Variants in DGKB observed in about 807,000 individuals in gnomAD.
DGKB encodes 90 kDa diacylglycerol kinase.
Under a neutral mutation model 114.3 loss-of-function variants are expected in DGKB, and 67 were observed. That is an observed-to-expected ratio of 0.59 (90% CI 0.48 to 0.72). The LOEUF (loss-of-function observed/expected upper bound fraction) is 0.72, where lower values mean the gene tolerates loss of function less well. Among genes scored for constraint, DGKB ranks in the 30% least tolerant of loss-of-function variants. The probability of loss-of-function intolerance (pLI) is 0.00; values close to 1 mark genes in which losing one functional copy is unlikely to be tolerated. For missense variants in DGKB, 907 were observed against 975.2 expected (o/e 0.93, Z 0.93); for synonymous variants, 398 against 323.1 (o/e 1.23, Z -2.49).
intron 2 of DGKB, among the ~76,000 whole-genome samples, chr7:14,825,028 A>C (rs1328363340): frequency 7.3e-6 from 1 of 136,878 alleles, no homozygotes; most frequent in Non-Finnish European, 1.6e-5. Flanking sequence ...ATATATATAT[A>C]TATATATATA....
chr7:14,574,108 GTAAAA>G (rs1426179406), intron 20 of DGKB, 99 bp downstream of exon 20: 2 of 887,916 alleles, frequency 2.3e-6, no homozygotes, highest in Non-Finnish European at 3.3e-6. Flanking sequence ...GGCACAAAAG[GTAAAA>G]TAAGTTATTT....
intron 13 of DGKB, among the ~76,000 whole-genome samples, chr7:14,663,957 C>G (rs1047016099): frequency 6.6e-6 from 1 of 151,868 alleles, no homozygotes; most frequent in Admixed American, 6.6e-5. Flanking sequence ...TCAAAATTAC[C>G]ATTTGTCCAG....
chr7:14,694,968 A>G (rs1823558290), intron 8 of DGKB, among the ~76,000 whole-genome samples: 2 of 152,222 alleles, frequency 1.3e-5, no homozygotes, highest in Non-Finnish European at 2.9e-5. Context: ...AATGGCGTCA[A>G]GATGGCAAAC....
In DGKB at chr7:14,212,418, G is replaced by GTGTTTTGTGATTTTACTCTCA. The variant is rs1584487949; in HGVS notation, c.2123-34268_2123-34267insTGAGAGTAAAATCACAAAACA. 2.4e-4 allele frequency among the ~76,000 whole-genome samples: 4 copies of GTGTTTTGTGATTTTACTCTCA among 16,844 alleles called. 1 individual carries two copies. Among genetic ancestry groups the GTGTTTTGTGATTTTACTCTCA allele is most frequent in the Non-Finnish European group, 4.0e-4 (3 of 7,520 alleles). 11.1% of individuals were successfully genotyped at this position (16,844 alleles called of 152,430 possible). A position where few individuals can be genotyped will look rare whatever the true frequency, so the allele number is the denominator to read the frequency against. The stretch of plus-strand genomic sequence containing the variant: ...TCTCATGTTTTGTGATTTTACTCTC[G>GTGTTTTGTGATTTTACTCTCA]TGTTTTGTGATATTTACTCTCATGT... On this transcript the variant is annotated intron_variant, in intron 23 of 25. Transcript: ENST00000402815.
intron 8 of DGKB, 140 bp from the exon 9 acceptor site, chr7:14,694,334 A>T: frequency 1.4e-6 from 1 of 734,172 alleles, no homozygotes; most frequent in Non-Finnish European, 2.2e-6. Flanking sequence ...CATTAATTCT[A>T]TTACTGATGA....
intron 12 of DGKB, among the ~76,000 whole-genome samples, chr7:14,678,470 C>T (rs1435903243): frequency 6.6e-6 from 1 of 151,934 alleles, no homozygotes; most frequent in East Asian, 1.9e-4. Flanking sequence ...AAATAGTAGG[C>T]ATGAGGGAAA....
At chr7:14,522,254 A>C (rs1789905176) in intron 20 of DGKB, among the ~76,000 whole-genome samples, 1 of 152,142 alleles carries the variant, frequency 6.6e-6, no homozygotes, top group Non-Finnish European at 1.5e-5. Context: ...TCTTTGTCGC[A>C]CATGCATAGA....
At chr7:14,782,035 T>TGAAA (rs1839179175) in intron 2 of DGKB, among the ~76,000 whole-genome samples, 1 of 152,186 alleles carries the variant, frequency 6.6e-6, no homozygotes, top group Non-Finnish European at 1.5e-5. Context: ...AATTATTTTA[T>TGAAA]TTCATTTGAG....
intron 23 of DGKB, among the ~76,000 whole-genome samples, chr7:14,325,965 A>T (rs1808634600): frequency 1.3e-5 from 2 of 152,124 alleles, no homozygotes; most frequent in African/African-American, 4.8e-5. Context: ...AAATGTATTG[A>T]GCTGTAAAAA....
In DGKB at chr7:14,898,212, A is replaced by G. The variant is rs76838550; in HGVS notation, c.-188+4380T>C. 4.0e-3 allele frequency among the ~76,000 whole-genome samples: 604 copies of G among 152,160 alleles called. 4 individuals carry two copies. Among genetic ancestry groups the G allele is most frequent in the African/African-American group, 0.014 (569 of 41,550 alleles). On this transcript the variant is annotated intron_variant, in intron 1 of 25. Transcript: ENST00000402815. ...CATTAGCATGGAGAGCGGGCAGAGG[A>G]GTTTGGGTGTCCAAAAGTAAATTAC...
chr7:14,777,436 T>G (rs1041920834), intron 2 of DGKB, among the ~76,000 whole-genome samples: 1 of 152,124 alleles, frequency 6.6e-6, no homozygotes, highest in African/African-American at 2.4e-5. Flanking sequence ...AATCCCCACA[T>G]GTCATGGGAG....
chr7:14,840,741 CA>C (rs755609912), intron 2 of DGKB, among the ~76,000 whole-genome samples: 6,587 of 131,560 alleles, frequency 0.05, 223 homozygotes, highest in Non-Finnish European at 0.076. Context: ...CACACACACA[CA>C]CACCTCTCCC....
chr7:14,840,929 A>G (rs887478871), intron 2 of DGKB, among the ~76,000 whole-genome samples: 34 of 151,952 alleles, frequency 2.2e-4, no homozygotes, highest in African/African-American at 7.7e-4. Flanking sequence ...CTTTATTTCT[A>G]TTACAGCTAG....
intron 25 of DGKB, among the ~76,000 whole-genome samples, chr7:14,167,611 A>G (rs1448162950): frequency 6.6e-6 from 1 of 152,228 alleles, no homozygotes. Flanking sequence ...TTTGACCTTA[A>G]CAAACATACT....
At chr7:14,698,734 A>T (rs557611662) in intron 7 of DGKB, among the ~76,000 whole-genome samples, 3 of 152,280 alleles carry the variant, frequency 2.0e-5, no homozygotes, top group Admixed American at 2.0e-4. Context: ...TTTCCATATT[A>T]TTCTGCTCAA....
intron 16 of DGKB, among the ~76,000 whole-genome samples, chr7:14,612,926 T>C (rs1244867160): frequency 2.0e-5 from 3 of 152,154 alleles, no homozygotes; most frequent in Admixed American, 6.6e-5. Flanking sequence ...TTCTCCAAAA[T>C]GCACATGCAG....
At chr7:14,836,469 A>G (rs1022184533) in intron 2 of DGKB, among the ~76,000 whole-genome samples, 1 of 152,234 alleles carries the variant, frequency 6.6e-6, no homozygotes, top group Admixed American at 6.5e-5. Flanking sequence ...ATTTGGAAAT[A>G]TCACGTAGAT....
chr7:14,286,558 G>T (rs1406225185), intron 23 of DGKB, among the ~76,000 whole-genome samples: 1 of 152,082 alleles, frequency 6.6e-6, no homozygotes, highest in African/African-American at 2.4e-5. Flanking sequence ...TCACATAATG[G>T]AAAAGTTTGC....
chr7:14,872,586 T>C (rs568632961), intron 1 of DGKB, among the ~76,000 whole-genome samples: 1 of 152,268 alleles, frequency 6.6e-6, no homozygotes, highest in African/African-American at 2.4e-5. Context: ...TTTTGGTGAA[T>C]GTTTATAAAG....
Sources: allele counts gnomAD v4.1 joint callset (sites outside exome capture counted in the v4.1 genomes callset), GRCh38; gene constraint gnomAD v4.1.1; transcripts MANE v1.5; gene names NCBI Gene and HGNC (gene_info 2026-07-23, HGNC 2026-07-21).